MID1: variants seen among roughly 807,000 people sequenced by gnomAD.
The protein encoded by MID1 is midline 1, also known as E3 ubiquitin-protein ligase Midline-1.
In MID1, 7 loss-of-function variants were observed where a neutral mutation model predicts 40.4. The ratio of observed to expected loss-of-function variants is 0.17; its 90% CI spans 0.10 to 0.33. The LOEUF (loss-of-function observed/expected upper bound fraction) is 0.33, where lower values mean the gene tolerates loss of function less well. MID1 is among the 10% of genes least tolerant of loss of function. The probability of loss-of-function intolerance (pLI) is 1.00; values close to 1 mark genes in which losing one functional copy is unlikely to be tolerated. For synonymous variants in MID1, 229 were observed against 221.2 expected (o/e 1.04, Z -0.31); for missense variants, 367 against 558.5 (o/e 0.66, Z 3.46).
chrX:10,484,433 CTTTTCT>C (rs1319662786), intron 4 of MID1, among the ~76,000 whole-genome samples: 1 of 112,114 alleles, frequency 8.9e-6, no homozygotes, highest in Non-Finnish European at 1.9e-5. Flanking sequence ...CCAGTTTCTT[CTTTTCT>C]TTTTCTATCA....
chrX:10,629,204 A>AT (rs35720735), intron 1 of MID1, among the ~76,000 whole-genome samples: 3,628 of 101,185 alleles, frequency 0.036, 77 homozygotes, highest in African/African-American at 0.072. Flanking sequence ...CACTTTAATG[A>AT]TTTTTTTTTT....
intron 1 of MID1, among the ~76,000 whole-genome samples, chrX:10,568,523 ACT>A (rs763698801): frequency 9.0e-6 from 1 of 111,160 alleles, no homozygotes; most frequent in Non-Finnish European, 1.9e-5. Flanking sequence ...GGCTTACAAA[ACT>A]GCTGAGGGAC....
At chrX:10,451,281 T>C (rs1928320657) in intron 9 of MID1, among the ~76,000 whole-genome samples, 1 of 111,684 alleles carries the variant, frequency 9.0e-6, no homozygotes, top group African/African-American at 3.3e-5. Flanking sequence ...TGTGATGCCT[T>C]TGCACAAGAT....
intron 1 of MID1, among the ~76,000 whole-genome samples, chrX:10,757,156 G>A (rs2043637785): frequency 8.9e-6 from 1 of 111,995 alleles, no homozygotes; most frequent in South Asian, 3.8e-4. Flanking sequence ...CAGTAAATCT[G>A]GGTGGGGCCT....
intron 1 of MID1, among the ~76,000 whole-genome samples, chrX:10,802,991 A>G (rs779214670): frequency 9.0e-6 from 1 of 111,160 alleles, no homozygotes; most frequent in South Asian, 3.9e-4. Flanking sequence ...ACATATACAT[A>G]AATATGGGAA....
At chrX:10,827,495 G>A (rs1246763762) in intron 1 of MID1, among the ~76,000 whole-genome samples, 1 of 91,160 alleles carries the variant, frequency 1.1e-5, no homozygotes, top group Non-Finnish European at 2.1e-5. Context: ...GAGAGAGAGA[G>A]ATTGAGAGAG....
intron 1 of MID1, among the ~76,000 whole-genome samples, chrX:10,745,608 G>A: frequency 8.9e-6 from 1 of 112,626 alleles, no homozygotes; most frequent in Non-Finnish European, 1.9e-5. Context: ...GCATTACAAA[G>A]ATGAGGTTCT....
intron 1 of MID1, among the ~76,000 whole-genome samples, chrX:10,613,625 TCAAA>T (rs1198922074): frequency 1.0e-5 from 1 of 98,343 alleles, no homozygotes; most frequent in African/African-American, 3.8e-5. Context: ...TGCAGAACAA[TCAAA>T]CAGAGGATAA....
intron 5 of MID1, chrX:10,475,205 G>A (rs1929941987): frequency 3.0e-6 from 1 of 330,007 alleles, no homozygotes; most frequent in Non-Finnish European, 5.9e-6. Context: ...TGCATAAAAG[G>A]CAAAGTGAAT....
At chrX:10,774,172 A>G (rs898002101) in intron 1 of MID1, among the ~76,000 whole-genome samples, 1 of 111,336 alleles carries the variant, frequency 9.0e-6, no homozygotes, top group Non-Finnish European at 1.9e-5. Context: ...ACCAACAAGA[A>G]GGAGGTGGAC....
chrX:10,580,113 TACACAC>T (rs34361228), intron 1 of MID1, among the ~76,000 whole-genome samples: 2 of 100,332 alleles, frequency 2.0e-5, no homozygotes, highest in South Asian at 4.7e-4. Flanking sequence ...TTAAAACACA[TACACAC>T]ACACACACAC....
At chrX:10,531,864 A>C (rs1179214157) in intron 2 of MID1, among the ~76,000 whole-genome samples, 1 of 111,823 alleles carries the variant, frequency 8.9e-6, no homozygotes, top group Non-Finnish European at 1.9e-5. Context: ...GCCTATAATA[A>C]GAGAGGTGAG....
At chrX:10,606,252 A>G (rs932680549) in intron 1 of MID1, among the ~76,000 whole-genome samples, 3 of 111,194 alleles carry the variant, frequency 2.7e-5, no homozygotes, top group African/African-American at 9.8e-5. Flanking sequence ...ATTTCAAAAA[A>G]TAACTATTTT....
intron 1 of MID1, among the ~76,000 whole-genome samples, chrX:10,813,140 G>A (rs2044113462): frequency 9.1e-6 from 1 of 109,769 alleles, no homozygotes; most frequent in Non-Finnish European, 1.9e-5. Flanking sequence ...GCAGGAAGAT[G>A]GTCTAGTTTT....
chrX:10,628,565 T>C (rs1424741685), intron 1 of MID1, among the ~76,000 whole-genome samples: 1 of 111,747 alleles, frequency 8.9e-6, no homozygotes, highest in Non-Finnish European at 1.9e-5. Flanking sequence ...CTAAACTATA[T>C]CTGTGTGGAA....
At chrX:10,465,210 T>TACAC (rs1402990604) in intron 7 of MID1, among the ~76,000 whole-genome samples, 76 of 62,003 alleles carry the variant, frequency 1.2e-3, no homozygotes, top group African/African-American at 6.2e-3. Context: ...TATATATATA[T>TACAC]ATATACACAC....
intron 1 of MID1, among the ~76,000 whole-genome samples, chrX:10,570,045 TC>T (rs1442572759): frequency 8.9e-6 from 1 of 112,009 alleles, no homozygotes; most frequent in East Asian, 2.8e-4. Context: ...AACATGCATC[TC>T]CTTTTGCTCT....
In MID1 at chrX:10,462,566, C is replaced by T. The variant is rs1475687679; in HGVS notation, c.1286-2759G>A. Among the ~76,000 whole-genome samples, 22 of 112,244 alleles carry T rather than the reference C, an allele frequency of 2.0e-4. No individual in the cohort carries two copies. The Admixed American group carries it at 2.1e-3, about 11-fold the overall frequency. The stretch of plus-strand genomic sequence containing the variant: ...ATCTTTGAGGGTGTTCCAACATTCA[C>T]CTCCTCCGACTCAGTTTAAAATAAC... On this transcript the variant is annotated intron_variant, in intron 7 of 9. Coordinates refer to ENST00000317552, the MANE Select transcript of MID1 (RefSeq NM_000381.4).
chrX:10,487,723 C>T (rs191276925), intron 4 of MID1, among the ~76,000 whole-genome samples: 1 of 111,411 alleles, frequency 9.0e-6, no homozygotes, highest in East Asian at 2.8e-4. Flanking sequence ...TGCCGTTTCT[C>T]GAATTTCATA....
Sources: allele counts gnomAD v4.1 joint callset (sites outside exome capture counted in the v4.1 genomes callset), GRCh38; gene constraint gnomAD v4.1.1; transcripts MANE v1.5; gene names NCBI Gene and HGNC (gene_info 2026-07-23, HGNC 2026-07-21).